The following FBXL17 variants were observed in gnomAD, a reference collection of about 807,000 sequenced individuals.
The protein encoded by FBXL17 is F-box/LRR-repeat protein 17.
In FBXL17, 22 loss-of-function variants were observed where a neutral mutation model predicts 66.2. That is an observed-to-expected ratio of 0.33 (90% CI 0.24 to 0.47). The LOEUF is 0.47. FBXL17 is among the 20% of genes least tolerant of loss of function. The probability of loss-of-function intolerance (pLI) is 1.00; values close to 1 mark genes in which losing one functional copy is unlikely to be tolerated. For synonymous variants in FBXL17, 474 were observed against 400.5 expected (o/e 1.18, Z -2.19); for missense variants, 878 against 948.2 (o/e 0.93, Z 0.97).
intron 4 of FBXL17, among the ~76,000 whole-genome samples, chr5:108,302,843 T>C (rs1364142791): frequency 6.6e-6 from 1 of 151,688 alleles, no homozygotes; most frequent in Non-Finnish European, 1.5e-5. Flanking sequence ...TAGTTCAAAA[T>C]CATTTTTTGT....
intron 7 of FBXL17, among the ~76,000 whole-genome samples, chr5:107,883,498 T>G (rs1748863534): frequency 6.6e-6 from 1 of 151,904 alleles, no homozygotes; most frequent in African/African-American, 2.4e-5. Context: ...GGGGTAGAAA[T>G]AAGGAACAGC....
At position 107,861,669 on chromosome 5, in the gene FBXL17, T is replaced by G; in HGVS notation, c.*51A>C. ...AGAGATCAGCTCCCCAAATGTACAA[T>G]TCTCCTCTGCTCTGCTGAATGATCC... is the stretch of plus-strand genomic sequence containing the variant. On this transcript the variant is annotated 3_prime_UTR_variant, in exon 9 of 9. Coordinates refer to ENST00000542267, the MANE Select transcript of FBXL17 (RefSeq NM_001163315.3). The G allele has an allele frequency of 6.9e-7, 1 of 1,458,192 alleles. No homozygotes were observed. 90.3% of individuals were successfully genotyped at this position (1,458,192 alleles called of 1,614,324 possible). A position where few individuals can be genotyped will look rare whatever the true frequency, so the allele number is the denominator to read the frequency against.
intron 4 of FBXL17, among the ~76,000 whole-genome samples, chr5:108,258,639 G>T (rs1756678485): frequency 6.6e-6 from 1 of 152,102 alleles, no homozygotes; most frequent in African/African-American, 2.4e-5. Flanking sequence ...GCTCTAAGGA[G>T]GCTCAGTCTC....
At chr5:108,173,803 A>G (rs1199797164) in intron 6 of FBXL17, among the ~76,000 whole-genome samples, 1 of 152,212 alleles carries the variant, frequency 6.6e-6, no homozygotes, top group African/African-American at 2.4e-5. Context: ...CTAACAAGAA[A>G]TTGATCCCTA....
At chr5:108,021,768 A>G (rs1227046612) in intron 6 of FBXL17, among the ~76,000 whole-genome samples, 1 of 151,892 alleles carries the variant, frequency 6.6e-6, no homozygotes, top group East Asian at 1.9e-4. Context: ...TCAGTTTCCT[A>G]TAATATCAGA....
At chr5:108,083,757 G>A (rs1479914293) in intron 6 of FBXL17, among the ~76,000 whole-genome samples, 2 of 151,950 alleles carry the variant, frequency 1.3e-5, no homozygotes, top group Non-Finnish European at 2.9e-5. Context: ...AAAGCATACT[G>A]GAAATGTAAA....
At chr5:108,329,997 G>C (rs1213515444) in intron 4 of FBXL17, among the ~76,000 whole-genome samples, 1 of 152,094 alleles carries the variant, frequency 6.6e-6, no homozygotes, top group Non-Finnish European at 1.5e-5. Context: ...AAAGGGTCTG[G>C]AATCATACTG....
At chr5:108,233,676 T>G (rs528698901) in intron 4 of FBXL17, among the ~76,000 whole-genome samples, 2 of 152,280 alleles carry the variant, frequency 1.3e-5, no homozygotes, top group Non-Finnish European at 2.9e-5. Context: ...CTTTTATAAC[T>G]GCATGAAATG....
rs1409346016 is a variant in FBXL17 at position 107,976,003 on chromosome 5, C to A, written c.1822+44922G>T. Among the ~76,000 whole-genome samples, 3 of 151,848 alleles carry A rather than the reference C, an allele frequency of 2.0e-5. No individual in the cohort carries two copies. The East Asian group carries it at 5.8e-4, about 29-fold the overall frequency. On this transcript the variant is annotated intron_variant, in intron 7 of 8. Transcript: ENST00000542267. The stretch of plus-strand genomic sequence containing the variant: ...CCTCCTGAGTAGCTGGGACTACAGG[C>A]AAGCGCCACCATGCCCGGCTAATTT...
intron 5 of FBXL17, among the ~76,000 whole-genome samples, chr5:108,222,905 C>T (rs1279693727): frequency 6.6e-6 from 1 of 151,914 alleles, no homozygotes; most frequent in Non-Finnish European, 1.5e-5. Context: ...GACTCCTGGC[C>T]TCAAGTGATT....
chr5:108,051,743 G>A (rs1179542481), intron 6 of FBXL17, among the ~76,000 whole-genome samples: 4 of 152,122 alleles, frequency 2.6e-5, no homozygotes, highest in Non-Finnish European at 5.9e-5. Context: ...TTGGGAGGCT[G>A]AGGTGGGCAA....
intron 8 of FBXL17, among the ~76,000 whole-genome samples, chr5:107,866,462 A>G (rs897797091): frequency 6.6e-6 from 1 of 152,216 alleles, no homozygotes; most frequent in Admixed American, 6.5e-5. Flanking sequence ...GCAAATTGCT[A>G]TGCTAATGAA....
intron 7 of FBXL17, among the ~76,000 whole-genome samples, chr5:107,930,017 G>A (rs557900285): frequency 5.3e-5 from 8 of 152,214 alleles, no homozygotes; most frequent in African/African-American, 1.9e-4. Flanking sequence ...CATGGCCACT[G>A]TCACCCTTCC....
At chr5:107,877,066 G>A (rs967866139) in intron 8 of FBXL17, among the ~76,000 whole-genome samples, 7 of 152,178 alleles carry the variant, frequency 4.6e-5, no homozygotes, top group East Asian at 1.9e-4. Flanking sequence ...CTCACACAGC[G>A]TTTTCTTCTC....
intron 6 of FBXL17, among the ~76,000 whole-genome samples, chr5:108,143,265 T>C (rs1055727710): frequency 6.6e-5 from 10 of 151,706 alleles, no homozygotes; most frequent in African/African-American, 2.4e-4. Context: ...GATCCCACCA[T>C]GCAAAATTAT....
At chr5:108,222,282 C>T (rs1343204163) in intron 5 of FBXL17, among the ~76,000 whole-genome samples, 1 of 152,074 alleles carries the variant, frequency 6.6e-6, no homozygotes, top group Non-Finnish European at 1.5e-5. Flanking sequence ...ATAAAAAGCC[C>T]ACATATGGCC....
At chr5:108,360,563 A>G (rs1748279805) in intron 3 of FBXL17, among the ~76,000 whole-genome samples, 2 of 152,172 alleles carry the variant, frequency 1.3e-5, no homozygotes, top group East Asian at 1.9e-4. Context: ...GTCTCAGTGT[A>G]TATCTCTTTG....
chr5:108,223,053 T>C (rs1251837154), intron 5 of FBXL17, among the ~76,000 whole-genome samples: 4 of 152,178 alleles, frequency 2.6e-5, no homozygotes, highest in Non-Finnish European at 1.5e-5. Context: ...ACCTTATATA[T>C]ATTACCTTAT....
chr5:108,028,918 G>C (rs563123433), intron 6 of FBXL17, among the ~76,000 whole-genome samples: 69 of 152,178 alleles, frequency 4.5e-4, no homozygotes, highest in Non-Finnish European at 7.8e-4. Context: ...CGAAAAAAAA[G>C]TTTAGTTATT....
Sources: gnomAD v4.1 joint callset for allele counts (sites outside exome capture counted in the v4.1 genomes callset) on GRCh38, gnomAD v4.1.1 for gene constraint, MANE v1.5 for transcripts, NCBI Gene and HGNC (gene_info 2026-07-23, HGNC 2026-07-21) for gene names.